GPC5: variants seen among roughly 807,000 people sequenced by gnomAD.
GPC5 encodes glypican-5.
A neutral mutation model predicts 53.9 loss-of-function variants in GPC5; 47 were observed. That is an observed-to-expected ratio of 0.87 (90% confidence interval 0.69 to 1.11). The LOEUF (loss-of-function observed/expected upper bound fraction) is 1.11, where lower values mean the gene tolerates loss of function less well. Among genes scored for constraint, GPC5 ranks in the 50% most tolerant of loss-of-function variants. GPC5 has a pLI of 0.00. For synonymous variants in GPC5, 286 were observed against 263.3 expected (o/e 1.09, Z -0.84); for missense variants, 748 against 713.1 (o/e 1.05, Z -0.56).
intron 6 of GPC5, among the ~76,000 whole-genome samples, chr13:92,022,556 A>G (rs2040767926): frequency 6.6e-6 from 1 of 152,110 alleles, no homozygotes; most frequent in Admixed American, 6.6e-5. Flanking sequence ...TGTGTTTAAT[A>G]AATAAAAGCA....
At chr13:92,249,080 GAT>G (rs1166749182) in intron 7 of GPC5, among the ~76,000 whole-genome samples, 3 of 152,006 alleles carry the variant, frequency 2.0e-5, no homozygotes, top group Non-Finnish European at 4.4e-5. Flanking sequence ...GGGTACATGA[GAT>G]ATTTTGATAC....
intron 7 of GPC5, among the ~76,000 whole-genome samples, chr13:92,611,964 C>T (rs533868413): frequency 2.0e-5 from 3 of 152,092 alleles, no homozygotes; most frequent in East Asian, 1.9e-4. Context: ...ATTTGCATTG[C>T]GTACCAGGGA....
chr13:91,438,434 C>T (rs1318575418), intron 1 of GPC5, among the ~76,000 whole-genome samples: 1 of 152,138 alleles, frequency 6.6e-6, no homozygotes, highest in South Asian at 2.1e-4. Context: ...CACTCCAGAC[C>T]GTGTTTGCCT....
At chr13:91,509,082 G>T (rs527688442) in intron 2 of GPC5, among the ~76,000 whole-genome samples, 11 of 152,246 alleles carry the variant, frequency 7.2e-5, no homozygotes, top group African/African-American at 2.6e-4. Flanking sequence ...TGGAATACCA[G>T]TTCACAGTTG....
intron 6 of GPC5, among the ~76,000 whole-genome samples, chr13:92,051,336 G>A (rs557648196): frequency 6.6e-6 from 1 of 151,496 alleles, no homozygotes; most frequent in Admixed American, 6.6e-5. Context: ...TGAGTAGCTG[G>A]AACTACAGGC....
intron 1 of GPC5, among the ~76,000 whole-genome samples, chr13:91,423,883 TA>T (rs1301550864): frequency 1.3e-5 from 2 of 152,200 alleles, no homozygotes; most frequent in Non-Finnish European, 2.9e-5. Flanking sequence ...GAGATAAAAA[TA>T]AAAGAAGTCT....
chr13:92,481,411 T>C (rs1394114521), intron 7 of GPC5, among the ~76,000 whole-genome samples: 1 of 152,172 alleles, frequency 6.6e-6, no homozygotes, highest in East Asian at 1.9e-4. Context: ...AATTTTTGTA[T>C]TTTAAGACAC....
At chr13:92,004,474 AT>A (rs2040587324) in intron 6 of GPC5, among the ~76,000 whole-genome samples, 2 of 134,460 alleles carry the variant, frequency 1.5e-5, no homozygotes, top group African/African-American at 5.7e-5. Flanking sequence ...ATATATATAT[AT>A]ATATATATAT....
intron 7 of GPC5, among the ~76,000 whole-genome samples, chr13:92,174,953 G>A (rs1409147601): frequency 6.6e-6 from 1 of 152,124 alleles, no homozygotes; most frequent in African/African-American, 2.4e-5. Context: ...GGGTTCAAGC[G>A]ATTCTCCTGT....
At chr13:92,333,137 A>C (rs2043299473) in intron 7 of GPC5, among the ~76,000 whole-genome samples, 1 of 152,174 alleles carries the variant, frequency 6.6e-6, no homozygotes. Flanking sequence ...CACAAAGTGG[A>C]CAAGTCTCAG....
chr13:91,410,567 C>G (rs9589217), intron 1 of GPC5, among the ~76,000 whole-genome samples: 9,641 of 151,014 alleles, frequency 0.064, 361 homozygotes, highest in Non-Finnish European at 0.075. Flanking sequence ...AGGATGGTCT[C>G]GATCTCCTGA....
intron 2 of GPC5, among the ~76,000 whole-genome samples, chr13:91,468,363 C>T (rs1261941123): frequency 2.0e-5 from 3 of 152,112 alleles, no homozygotes; most frequent in Non-Finnish European, 4.4e-5. Context: ...TCCAGTACTT[C>T]ATAATGTAAC....
At chr13:92,813,629 G>A (rs569109254) in intron 7 of GPC5, among the ~76,000 whole-genome samples, 11 of 152,072 alleles carry the variant, frequency 7.2e-5, no homozygotes, top group Admixed American at 4.6e-4. Flanking sequence ...CAAAGATGGC[G>A]CAATACTTTT....
At chr13:91,518,027 C>G (rs1324249614) in intron 2 of GPC5, among the ~76,000 whole-genome samples, 1 of 151,022 alleles carries the variant, frequency 6.6e-6, no homozygotes, top group African/African-American at 2.5e-5. Flanking sequence ...AACTATATCA[C>G]CATCTTATAG....
chr13:92,076,564 A>ATTTT (rs35009219), intron 6 of GPC5, among the ~76,000 whole-genome samples: 6 of 148,154 alleles, frequency 4.0e-5, no homozygotes, highest in Non-Finnish European at 3.0e-5. Flanking sequence ...CTAAGCTCAG[A>ATTTT]TTTTTTTTTT....
intron 6 of GPC5, among the ~76,000 whole-genome samples, chr13:92,127,937 AC>A (rs2041712906): frequency 6.6e-6 from 1 of 152,234 alleles, no homozygotes; most frequent in African/African-American, 2.4e-5. Context: ...ATTTGAGTCA[AC>A]AAAATTTCAC....
chr13:92,866,494 G>T lies in GPC5; in HGVS notation c.*55G>T, dbSNP rs2075164122. 7.5e-7 allele frequency: 1 copy of T among 1,331,136 alleles called. No individual in the cohort carries two copies. The highest frequency in any genetic ancestry group is 1.5e-5 in the African/African-American group (1 of 67,396). 82.5% of individuals were successfully genotyped at this position (1,331,136 alleles called of 1,614,324 possible). On this transcript the variant is annotated 3_prime_UTR_variant, in exon 8 of 8. Transcript: ENST00000377067. ...TGAAGTCTCGATTTCTTCTCTCTCT[G>T]CATATGCCTGGAATAAGAGATCCTT...
At chr13:92,282,185 G>C (rs1306863265) in intron 7 of GPC5, among the ~76,000 whole-genome samples, 1 of 152,188 alleles carries the variant, frequency 6.6e-6, no homozygotes, top group Non-Finnish European at 1.5e-5. Context: ...AGTGAGAAGA[G>C]AAGTTTAGAG....
At chr13:91,537,269 A>G (rs563643073) in intron 2 of GPC5, among the ~76,000 whole-genome samples, 2 of 152,266 alleles carry the variant, frequency 1.3e-5, no homozygotes, top group South Asian at 4.1e-4. Context: ...GAGAATATTA[A>G]CAACACTGAT....
Sources: gnomAD v4.1 joint callset for allele counts (sites outside exome capture counted in the v4.1 genomes callset) on GRCh38, gnomAD v4.1.1 for gene constraint, MANE v1.5 for transcripts, NCBI Gene and HGNC (gene_info 2026-07-23, HGNC 2026-07-21) for gene names.